IL12RB1: variants seen among roughly 807,000 people sequenced by gnomAD.
The protein encoded by IL12RB1 is interleukin 12 receptor subunit beta 1, also known as interleukin-12 receptor subunit beta-1.
Under a neutral mutation model 94.4 loss-of-function variants are expected in IL12RB1, and 64 were observed. The observed-to-expected ratio is 0.68, with a 90% CI of 0.55 to 0.83. IL12RB1 has a LOEUF of 0.83. IL12RB1 is among the 40% of genes least tolerant of loss of function. IL12RB1 has a pLI of 0.00. For missense variants in IL12RB1, 814 were observed against 855.6 expected (o/e 0.95, Z 0.61); for synonymous variants, 362 against 355.5 (o/e 1.02, Z -0.21).
upstream of IL12RB1, chr19:18,087,101 T>C: frequency 3.6e-6 from 2 of 561,406 alleles, no homozygotes; most frequent in Middle Eastern, 5.0e-4. Flanking sequence ...TAGGGGGTTC[T>C]GCCCTGCTGG....
intron 12 of IL12RB1, among the ~76,000 whole-genome samples, chr19:18,064,769 C>G (rs976437199): frequency 6.6e-6 from 1 of 152,164 alleles, no homozygotes; most frequent in Non-Finnish European, 1.5e-5. Context: ...CCACCGCGTC[C>G]GGCTGACTTG....
upstream of IL12RB1, among the ~76,000 whole-genome samples, chr19:18,089,999 G>T (rs1487641788): frequency 6.6e-6 from 1 of 152,238 alleles, no homozygotes; most frequent in Non-Finnish European, 1.5e-5. Context: ...AGGGTCAGCT[G>T]GGGGATGGAT....
At position 18,071,303 on chromosome 19, in the gene IL12RB1, C is replaced by T. The variant is rs8109778; in HGVS notation, c.1021+809G>A. Reference sequence around the variant, plus strand: ...AGGAGAATCTCTTGAATCTGGAAGGCGGAGGTTGCAGTGAGCTGAGATCAT... The same window carrying T: ...AGGAGAATCTCTTGAATCTGGAAGGTGGAGGTTGCAGTGAGCTGAGATCAT... On this transcript the variant is annotated intron_variant, in intron 9 of 16. Coordinates refer to ENST00000593993, the MANE Select transcript of IL12RB1 (RefSeq NM_005535.3). 843 of 602,084 alleles carry T rather than the reference C, an allele frequency of 1.4e-3. 4 individuals carry two copies. The African/African-American group carries it at 0.015, about 11-fold the overall frequency. 37.3% of individuals were successfully genotyped at this position (602,084 alleles called of 1,614,324 possible).
intron 1 of IL12RB1, among the ~76,000 whole-genome samples, chr19:18,084,735 A>G (rs2036215022): frequency 6.6e-6 from 1 of 152,168 alleles, no homozygotes; most frequent in Non-Finnish European, 1.5e-5. Context: ...TCATCCATCC[A>G]TTCATTTACC....
chr19:18,090,038 A>G (rs1196741058), upstream of IL12RB1, among the ~76,000 whole-genome samples: 1 of 152,202 alleles, frequency 6.6e-6, no homozygotes, highest in African/African-American at 2.4e-5. Context: ...GGGCAGAGAC[A>G]GAGAAAGGGA....
At chr19:18,064,136 TTC>T (rs200396788) in intron 12 of IL12RB1, 126 bp from the exon 13 acceptor site, 5,231 of 495,150 alleles carry the variant, frequency 0.011, 1 homozygote, top group East Asian at 0.021. Context: ...TACTCTTTCT[TTC>T]TTTTTTTTTT....
intron 1 of IL12RB1, among the ~76,000 whole-genome samples, chr19:18,083,777 C>T (rs2036090429): frequency 1.3e-5 from 2 of 150,330 alleles, no homozygotes; most frequent in Admixed American, 6.6e-5. Flanking sequence ...TCCATCCATC[C>T]ATGTATTCAT....
chr19:18,072,122 G>T lies in IL12RB1; in HGVS notation c.1011C>A (p.Asp337Glu), dbSNP rs137983313. The T allele has an allele frequency of 1.9e-6, 3 of 1,612,056 alleles. No individual in the cohort carries two copies. The highest frequency in any genetic ancestry group is 2.7e-5 in the African/African-American group (2 of 74,910). Residue 337 changes from aspartate (D) to glutamate (E), a missense_variant, in exon 9 of 17, where the codon GAC becomes GAA. Physicochemically the swap from Asp to Glu is conservative, Grantham distance 45. Transcript: ENST00000593993. ...GLNQTWHIPA[D>E]THTEPVALNI... Reference sequence around the variant, plus strand: ...ACCCAGAGGAGGCACCTGTGTGGGTGTCGGCAGGAATGTGCCACGTCTGGT... The same window carrying T: ...ACCCAGAGGAGGCACCTGTGTGGGTTTCGGCAGGAATGTGCCACGTCTGGT...
At chr19:18,087,758 A>G (rs1192792917), upstream of IL12RB1, among the ~76,000 whole-genome samples, 4 of 151,024 alleles carry the variant, frequency 2.6e-5, no homozygotes, top group Non-Finnish European at 4.4e-5. Flanking sequence ...CCGGGTTCAA[A>G]TGATCCGTCC....
upstream of IL12RB1, among the ~76,000 whole-genome samples, chr19:18,089,469 AC>A (rs1378417823): frequency 6.6e-6 from 1 of 151,980 alleles, no homozygotes; most frequent in Non-Finnish European, 1.5e-5. Flanking sequence ...TACTAAAAAT[AC>A]AAAAATTAGC....
At chr19:18,093,243 T>C (rs1046690564) in intron 1 of IL12RB1, among the ~76,000 whole-genome samples, 12 of 151,608 alleles carry the variant, frequency 7.9e-5, no homozygotes, top group Non-Finnish European at 8.8e-5. Flanking sequence ...GAGGCGGAGG[T>C]TGCAGTGAGC....
chr19:18,086,282 C>T (rs1219958755), intron 1 of IL12RB1, among the ~76,000 whole-genome samples: 1 of 151,402 alleles, frequency 6.6e-6, no homozygotes, highest in Admixed American at 6.6e-5. Context: ...GTAAAGTATA[C>T]GGAAGGATGT....
chr19:18,084,008 T>C (rs1349916997), intron 1 of IL12RB1, among the ~76,000 whole-genome samples: 2 of 128,212 alleles, frequency 1.6e-5, no homozygotes, highest in East Asian at 2.5e-4. Flanking sequence ...TGCACCCATC[T>C]ACCCATCCAT....
intron 1 of IL12RB1, among the ~76,000 whole-genome samples, chr19:18,094,877 C>T (rs2036816519): frequency 6.6e-6 from 1 of 151,942 alleles, no homozygotes; most frequent in South Asian, 2.1e-4. Flanking sequence ...CCCAAGAGAA[C>T]CAAAATATAT....
At position 18,066,529 on chromosome 19, in the gene IL12RB1, C is replaced by T; in HGVS notation, c.1483+13G>A. On this transcript the variant is annotated intron_variant, in intron 12 of 16. Transcript: ENST00000593993. ...CCTTCCTCCCCAAGCCAGGTCTGCA[C>T]TGCCTCACGTACCTGACACCTGTTT... The T allele has an allele frequency of 6.2e-7, 1 of 1,603,302 alleles. No homozygotes were observed. Among genetic ancestry groups the T allele is most frequent in the Non-Finnish European group, 8.5e-7 (1 of 1,170,602 alleles).
At chr19:18,090,184 G>C (rs968137618), upstream of IL12RB1, among the ~76,000 whole-genome samples, 7 of 152,140 alleles carry the variant, frequency 4.6e-5, no homozygotes, top group Admixed American at 1.3e-4. Flanking sequence ...AACATGGTGA[G>C]ACTCCATCTC....
intron 15 of IL12RB1, among the ~76,000 whole-genome samples, chr19:18,060,632 T>C (rs941384622): frequency 6.6e-6 from 1 of 152,096 alleles, no homozygotes; most frequent in Non-Finnish European, 1.5e-5. Context: ...GCTCTAGCAA[T>C]GGTCATGTGA....
rs1434654558 is a variant in IL12RB1, at chr19:18,063,875, C to G, written c.1618+1G>C. 2 of 1,612,938 alleles carry G rather than the reference C, an allele frequency of 1.2e-6. No homozygotes were observed. Among genetic ancestry groups the G allele is most frequent in the Non-Finnish European group, 1.7e-6 (2 of 1,179,488 alleles). ...AACTGGGTCCTACCCCCTCCACTCA[C>G]CGATGCTGAAGCGCTGGGGCTGGCT... On this transcript the variant is annotated splice_donor_variant, in intron 13 of 16. Coordinates refer to ENST00000593993, the MANE Select transcript of IL12RB1 (RefSeq NM_005535.3). LOFTEE classifies it high-confidence loss of function.
intron 3 of IL12RB1, 77 bp from the exon 4 acceptor site, chr19:18,081,078 C>A (rs1286792833): frequency 7.6e-7 from 1 of 1,319,550 alleles, no homozygotes; most frequent in Non-Finnish European, 1.1e-6. Context: ...GCATCACATC[C>A]CAGCATCGTT....
Sources: allele counts gnomAD v4.1 joint callset (sites outside exome capture counted in the v4.1 genomes callset), GRCh38; gene constraint gnomAD v4.1.1; transcripts MANE v1.5; gene names NCBI Gene and HGNC (gene_info 2026-07-23, HGNC 2026-07-21).